USP50: variants seen among roughly 807,000 people sequenced by gnomAD.
USP50 encodes the protein ubiquitin carboxyl-terminal hydrolase 50.
Under a neutral mutation model 39.2 loss-of-function variants are expected in USP50, and 37 were observed. That is an observed-to-expected ratio of 0.94 (90% confidence interval 0.73 to 1.24). The LOEUF (loss-of-function observed/expected upper bound fraction) is 1.24, where lower values mean the gene tolerates loss of function less well. Among genes scored for constraint, USP50 ranks in the 50% most tolerant of loss-of-function variants. USP50 has a pLI of 0.00. For missense variants in USP50, 374 were observed against 398.2 expected, an observed-to-expected ratio of 0.94 and a Z score of 0.52; for synonymous variants, 139 against 144.5, an observed-to-expected ratio of 0.96 and a Z score of 0.27.
chr15:50,541,811 G>A (rs1441286053), intron 3 of USP50, among the ~76,000 whole-genome samples: 2 of 152,092 alleles, frequency 1.3e-5, no homozygotes, highest in Admixed American at 6.6e-5. Flanking sequence ...GTTCACTCAA[G>A]CAGATCTAAA....
intron 6 of USP50, chr15:50,513,883 T>C (rs373908960): frequency 6.6e-6 from 1 of 152,146 alleles, no homozygotes; most frequent in Non-Finnish European, 1.5e-5. Context: ...GCCAGACATA[T>C]GCGTATTTCT....
chr15:50,496,088 A>T (rs376320616), downstream of USP50: 35 of 1,584,340 alleles, frequency 2.2e-5, no homozygotes, highest in Non-Finnish European at 3.0e-5. Context: ...ATTACAGGTA[A>T]GTTTAAGAAG....
chr15:50,529,871 T>C lies in USP50; in HGVS notation c.862A>G (p.Thr288Ala), dbSNP rs772394106. ...KLRTDIHYPLTNLDLTPYICS... is the reference protein window; with the variant it reads ...KLRTDIHYPLANLDLTPYICS... ...ATATAAGGAGTGAGGTCCAAGTTAGTGAGTGGGTAATGAATATCCGTTCTC... is the reference window on the plus strand; with the variant it reads ...ATATAAGGAGTGAGGTCCAAGTTAGCGAGTGGGTAATGAATATCCGTTCTC... The change falls in exon 6 of 7, where the codon ACT (threonine) becomes GCT (alanine). Residue 288 changes from threonine to alanine, a missense_variant. Transcript: ENST00000532404. The C allele has an allele frequency of 5.6e-6, 9 of 1,613,876 alleles. No homozygotes were observed. In the Admixed American group the frequency reaches 1.3e-4, roughly 24 times the overall value.
intron 6 of USP50, among the ~76,000 whole-genome samples, chr15:50,527,644 G>T (rs1287491720): frequency 7.0e-6 from 1 of 143,256 alleles, no homozygotes; most frequent in Non-Finnish European, 1.5e-5. Context: ...TTTTATTGTT[G>T]TTTTTTTTTT....
chr15:50,496,369 T>C (rs973058997), downstream of USP50, among the ~76,000 whole-genome samples: 4 of 151,418 alleles, frequency 2.6e-5, no homozygotes, highest in African/African-American at 7.3e-5. Flanking sequence ...TAGTCCCCGC[T>C]ACTCAGGAGG....
chr15:50,544,103 G>A, intron 2 of USP50: 1 of 336,082 alleles, frequency 3.0e-6, no homozygotes, highest in Non-Finnish European at 5.6e-6. Flanking sequence ...CGAGGTGGTA[G>A]GTTGGGAGGG....
intron 5 of USP50, chr15:50,531,964 C>G (rs1169182722): frequency 5.6e-6 from 2 of 359,664 alleles, no homozygotes; most frequent in Admixed American, 3.6e-5. Flanking sequence ...ACCACTGCCC[C>G]CAAAACTGGA....
intron 6 of USP50, among the ~76,000 whole-genome samples, chr15:50,518,227 G>T (rs1305588820): frequency 6.9e-6 from 1 of 144,120 alleles, no homozygotes; most frequent in Non-Finnish European, 1.5e-5. Context: ...TTCTTTTTTT[G>T]TTTTTTTTTT....
downstream of USP50, chr15:50,497,350 G>C: frequency 7.9e-7 from 1 of 1,272,920 alleles, no homozygotes; most frequent in Non-Finnish European, 1.0e-6. Context: ...CGATTATCTG[G>C]TTACAGTAGA....
chr15:50,513,622 A>C (rs1243700217), intron 6 of USP50: 1 of 152,100 alleles, frequency 6.6e-6, no homozygotes, highest in Admixed American at 6.6e-5. Context: ...AGAAAAAGGC[A>C]GGCCACAGAA....
chr15:50,537,633 C>A (rs1461006252), intron 5 of USP50, among the ~76,000 whole-genome samples: 1 of 146,208 alleles, frequency 6.8e-6, no homozygotes, highest in African/African-American at 2.5e-5. Context: ...CCGAGGTGGG[C>A]AGATCGCCTG....
At chr15:50,495,998 C>T (rs140697398), downstream of USP50, 4 of 1,613,812 alleles carry the variant, frequency 2.5e-6, no homozygotes, top group Admixed American at 3.3e-5. Context: ...AGTACAGTGC[C>T]TCACATGTCA....
At chr15:50,508,190 A>T (rs974574258) in intron 6 of USP50, 1 of 152,074 alleles carries the variant, frequency 6.6e-6, no homozygotes, top group Admixed American at 6.6e-5. Flanking sequence ...TTTGGAAATT[A>T]AAAAAACACT....
downstream of USP50, among the ~76,000 whole-genome samples, chr15:50,496,521 A>G (rs1385835799): frequency 6.6e-6 from 1 of 151,826 alleles, no homozygotes; most frequent in East Asian, 1.9e-4. Flanking sequence ...GTAAAACTCA[A>G]TATAAATTCT....
intron 6 of USP50, among the ~76,000 whole-genome samples, chr15:50,522,166 C>T (rs2052855978): frequency 6.6e-6 from 1 of 152,014 alleles, no homozygotes; most frequent in Admixed American, 6.6e-5. Flanking sequence ...TGGCTCATGC[C>T]TGTAATCCCA....
downstream of USP50, among the ~76,000 whole-genome samples, chr15:50,496,675 GACTA>G (rs1351965300): frequency 6.6e-6 from 1 of 152,102 alleles, no homozygotes. Flanking sequence ...GTTGTCTGTT[GACTA>G]ACTTAGGCCT....
At chr15:50,546,340 T>G (rs764848496) in intron 1 of USP50, 133 bp downstream of exon 1, 1 of 868,620 alleles carries the variant, frequency 1.2e-6, no homozygotes, top group Non-Finnish European at 1.9e-6. Context: ...CAATCTTCCT[T>G]CCTTTCCGGG....
At chr15:50,497,121 A>G, downstream of USP50, 2 of 1,605,426 alleles carry the variant, frequency 1.2e-6, no homozygotes, top group Non-Finnish European at 1.7e-6. Context: ...AAGAAGAAAA[A>G]CTCACAGATA....
At chr15:50,521,191 G>A (rs773687549) in intron 6 of USP50, among the ~76,000 whole-genome samples, 16 of 151,994 alleles carry the variant, frequency 1.1e-4, no homozygotes, top group Non-Finnish European at 1.3e-4. Context: ...ACAGGCGCCC[G>A]CCACCAAGCT....
Sources: allele counts gnomAD v4.1 joint callset (sites outside exome capture counted in the v4.1 genomes callset), GRCh38; gene constraint gnomAD v4.1.1; transcripts MANE v1.5; gene names NCBI Gene and HGNC (gene_info 2026-07-23, HGNC 2026-07-21).